TENM2: variants seen among roughly 807,000 people sequenced by gnomAD.
The protein encoded by TENM2 is teneurin-2.
Under a neutral mutation model 245.2 loss-of-function variants are expected in TENM2, and 52 were observed. The ratio of observed to expected loss-of-function variants is 0.21; its 90% CI spans 0.17 to 0.27. TENM2 has a LOEUF of 0.27. Among genes scored for constraint, TENM2 ranks in the 10% least tolerant of loss-of-function variants. The pLI, the probability that TENM2 is intolerant of heterozygous loss-of-function variation, is 1.00. For synonymous variants in TENM2, 1,363 were observed against 1,438.9 expected, an observed-to-expected ratio of 0.95 and a Z score of 1.19; for missense variants, 3,046 against 3,666.8, an observed-to-expected ratio of 0.83 and a Z score of 4.37.
At chr5:168,118,463 A>G (rs1167264121) in exon 10 of TENM2, 1 of 1,578,964 alleles carries the variant, frequency 6.3e-7, no homozygotes, top group South Asian at 1.2e-5. Flanking sequence ...TCTGCTGGCT[A>G]CAAAGGCGAG....
At chr5:167,685,826 G>A (rs936406232) in intron 2 of TENM2, among the ~76,000 whole-genome samples, 1 of 152,162 alleles carries the variant, frequency 6.6e-6, no homozygotes, top group African/African-American at 2.4e-5. Context: ...GGTATAGAGG[G>A]CGTGCAGCAC....
At chr5:167,555,626 A>G (rs1773218577) in intron 2 of TENM2, among the ~76,000 whole-genome samples, 1 of 152,068 alleles carries the variant, frequency 6.6e-6, no homozygotes, top group Admixed American at 6.5e-5. Context: ...GAACGAGGGG[A>G]AAAGAATGTG....
At chr5:167,308,844 GAC>G (rs992924633) in intron 1 of TENM2, among the ~76,000 whole-genome samples, 10 of 152,236 alleles carry the variant, frequency 6.6e-5, no homozygotes, top group African/African-American at 2.4e-4. Context: ...CTAACGTGAA[GAC>G]ACACATACAA....
At chr5:167,141,947 A>T in the TENM2 span, among the ~76,000 whole-genome samples, 2 of 152,198 alleles carry the variant, frequency 1.3e-5, no homozygotes, top group Non-Finnish European at 2.9e-5. Flanking sequence ...CAAGTTTTTA[A>T]TGAGGAGTAG....
At chr5:167,846,546 G>A (rs1203963777) in intron 2 of TENM2, among the ~76,000 whole-genome samples, 1 of 152,214 alleles carries the variant, frequency 6.6e-6, no homozygotes, top group Non-Finnish European at 1.5e-5. Flanking sequence ...GAATGCTCAG[G>A]TGTTGTTTCT....
chr5:167,545,599 A>T (rs1280495799), intron 2 of TENM2, among the ~76,000 whole-genome samples: 3 of 152,212 alleles, frequency 2.0e-5, no homozygotes, highest in Admixed American at 6.5e-5. Flanking sequence ...TTATACATCA[A>T]ATACAATAAA....
At chr5:167,254,884 A>G in the TENM2 span, among the ~76,000 whole-genome samples, 96 of 152,042 alleles carry the variant, frequency 6.3e-4, no homozygotes, top group Non-Finnish European at 1.2e-3. Context: ...GTGGGGGGAT[A>G]TTTTTGGTTG....
intron 2 of TENM2, among the ~76,000 whole-genome samples, chr5:167,747,165 A>G (rs1017858416): frequency 6.6e-6 from 1 of 152,216 alleles, no homozygotes; most frequent in Non-Finnish European, 1.5e-5. Flanking sequence ...CGAAAAACCC[A>G]GAGCCAAACA....
intron 1 of TENM2, among the ~76,000 whole-genome samples, chr5:167,317,010 C>T (rs1756402971): frequency 6.6e-6 from 1 of 152,172 alleles, no homozygotes; most frequent in Admixed American, 6.6e-5. Flanking sequence ...GTCCTCTCCT[C>T]ATCATCCCTT....
At chr5:167,978,789 CAT>C (rs1385293344) in intron 4 of TENM2, among the ~76,000 whole-genome samples, 2 of 152,220 alleles carry the variant, frequency 1.3e-5, no homozygotes, top group East Asian at 1.9e-4. Context: ...AATTTTGTAT[CAT>C]GTGAATTTTA....
the TENM2 span, among the ~76,000 whole-genome samples, chr5:167,109,285 G>A: frequency 6.7e-6 from 1 of 149,160 alleles, no homozygotes; most frequent in East Asian, 2.0e-4. Flanking sequence ...TTATAACTGA[G>A]CAGCTCTCAT....
intron 3 of TENM2, among the ~76,000 whole-genome samples, chr5:167,879,446 T>G (rs1028117680): frequency 5.3e-5 from 8 of 152,168 alleles, no homozygotes; most frequent in African/African-American, 1.9e-4. Flanking sequence ...GATATGTTTC[T>G]TGTATACAGA....
At chr5:167,220,322 T>C in the TENM2 span, among the ~76,000 whole-genome samples, 2 of 152,210 alleles carry the variant, frequency 1.3e-5, no homozygotes, top group Non-Finnish European at 2.9e-5. Context: ...GACACTATGA[T>C]TCCTATAGCC....
chr5:167,067,441 C>T, the TENM2 span, among the ~76,000 whole-genome samples: 1 of 151,948 alleles, frequency 6.6e-6, no homozygotes, highest in Non-Finnish European at 1.5e-5. Flanking sequence ...CAAAGCCATG[C>T]CAACATTTGA....
intron 2 of TENM2, among the ~76,000 whole-genome samples, chr5:167,569,540 G>T (rs879677369): frequency 4.6e-5 from 7 of 152,148 alleles, no homozygotes; most frequent in African/African-American, 7.2e-5. Context: ...TAATATCCTG[G>T]CTTTGCCATT....
chr5:167,403,789 C>G (rs1423152260), intron 2 of TENM2, among the ~76,000 whole-genome samples: 2 of 152,042 alleles, frequency 1.3e-5, no homozygotes, highest in Non-Finnish European at 1.5e-5. Context: ...GATGTACAAG[C>G]TTGCACCAGG....
the TENM2 span, among the ~76,000 whole-genome samples, chr5:167,161,473 G>T: frequency 6.6e-6 from 1 of 152,178 alleles, no homozygotes; most frequent in Non-Finnish European, 1.5e-5. Context: ...TTAGAAAGCC[G>T]AAGTTAAAGA....
chr5:167,532,300 TC>T (rs1345695123), intron 2 of TENM2, among the ~76,000 whole-genome samples: 128 of 150,680 alleles, frequency 8.5e-4, no homozygotes, highest in African/African-American at 3.0e-3. Context: ...TCTCTCTCTC[TC>T]TCTCTCTTTT....
intron 9 of TENM2, among the ~76,000 whole-genome samples, chr5:168,102,965 G>A (rs1793940613): frequency 6.6e-6 from 1 of 151,846 alleles, no homozygotes; most frequent in African/African-American, 2.4e-5. Flanking sequence ...GTGCCATGTT[G>A]GTGTGCTGCA....
Sources: allele counts gnomAD v4.1 joint callset (sites outside exome capture counted in the v4.1 genomes callset), GRCh38; gene constraint gnomAD v4.1.1; transcripts MANE v1.5; gene names NCBI Gene and HGNC (gene_info 2026-07-23, HGNC 2026-07-21).